COQ3: variants seen among roughly 807,000 people sequenced by gnomAD.
COQ3 encodes ubiquinone biosynthesis O-methyltransferase, mitochondrial.
In COQ3, 29 loss-of-function variants were observed where a neutral mutation model predicts 33.1. The observed-to-expected ratio is 0.88, with a 90% confidence interval of 0.65 to 1.19. COQ3 has a LOEUF of 1.19. COQ3 is among the 50% of genes most tolerant of loss of function. The probability of loss-of-function intolerance (pLI) is 0.00; values close to 1 mark genes in which losing one functional copy is unlikely to be tolerated. For missense variants in COQ3, 437 were observed against 430.7 expected, an observed-to-expected ratio of 1.01 and a Z score of -0.13; for synonymous variants, 173 against 157.8, an observed-to-expected ratio of 1.10 and a Z score of -0.72.
chr6:99,374,076 C>T (rs1774214715), intron 5 of COQ3, among the ~76,000 whole-genome samples: 1 of 137,566 alleles, frequency 7.3e-6, no homozygotes, highest in Non-Finnish European at 1.5e-5. Flanking sequence ...CAACTAAATA[C>T]ATGTACAAGT....
At chr6:99,380,855 A>C (rs4501438) in intron 2 of COQ3, among the ~76,000 whole-genome samples, 122,874 of 151,948 alleles carry the variant, frequency 0.81, 49,953 homozygotes, top group South Asian at 0.92. Context: ...TGCAGTGAGT[A>C]GAGATTGAGC....
chr6:99,376,994 A>ATGTGTGTG (rs140372356), intron 4 of COQ3, among the ~76,000 whole-genome samples: 14,872 of 138,868 alleles, frequency 0.11, 1,004 homozygotes, highest in Non-Finnish European at 0.15. Flanking sequence ...AATATTATGG[A>ATGTGTGTG]TGTGTGTGTG....
At chr6:99,382,351 A>C (rs1231693538) in intron 2 of COQ3, among the ~76,000 whole-genome samples, 1 of 152,202 alleles carries the variant, frequency 6.6e-6, no homozygotes, top group East Asian at 1.9e-4. Context: ...GGTAAAACAT[A>C]GTAAGGATGT....
At chr6:99,386,289 G>T (rs1228229223) in intron 1 of COQ3, among the ~76,000 whole-genome samples, 2 of 151,958 alleles carry the variant, frequency 1.3e-5, no homozygotes. Flanking sequence ...AATTAGCCAG[G>T]CATGGTGGCA....
intron 2 of COQ3, among the ~76,000 whole-genome samples, chr6:99,383,414 CTAAG>C (rs1774527438): frequency 6.6e-6 from 1 of 152,170 alleles, no homozygotes; most frequent in African/African-American, 2.4e-5. Flanking sequence ...AAATTCTTCT[CTAAG>C]TAATAGCCTT....
rs551405790 is a variant in COQ3 at position 99,383,896 on chromosome 6, G to A, written c.107-72C>T. 7.3e-5 allele frequency: 86 copies of A among 1,174,542 alleles called. No homozygotes were observed. In the African/African-American group the frequency reaches 1.3e-3, roughly 18 times the overall value. 72.8% of individuals were successfully genotyped at this position (1,174,542 alleles called of 1,614,324 possible). A position where few individuals can be genotyped will look rare whatever the true frequency, so the allele number is the denominator to read the frequency against. On this transcript the variant is annotated intron_variant, in intron 1 of 6. Coordinates refer to ENST00000254759, the MANE Select transcript of COQ3 (RefSeq NM_017421.4). Reference sequence around the variant, plus strand: ...AATCCCTGATATGCATGTAATTGAAGATTCTATTTTATTTTATTATTTATT... The same window carrying A: ...AATCCCTGATATGCATGTAATTGAAAATTCTATTTTATTTTATTATTTATT...
chr6:99,393,939 A>T, intron 1 of COQ3, 135 bp downstream of exon 1: 1 of 697,392 alleles, frequency 1.4e-6, no homozygotes, highest in South Asian at 1.7e-5. Context: ...AGATGGGGCC[A>T]GGACCAAGCC....
chr6:99,393,994 C>G (rs1774902605), intron 1 of COQ3, 80 bp downstream of exon 1: 1 of 1,228,326 alleles, frequency 8.1e-7, no homozygotes, highest in Non-Finnish European at 1.2e-6. Flanking sequence ...GACAACCCAC[C>G]GCCCCACCCC....
intron 5 of COQ3, among the ~76,000 whole-genome samples, chr6:99,373,253 G>A (rs952606109): frequency 1.3e-5 from 2 of 151,890 alleles, no homozygotes; most frequent in Admixed American, 1.3e-4. Context: ...AGCGAGAACC[G>A]CATCTCTACA....
intron 3 of COQ3, among the ~76,000 whole-genome samples, chr6:99,379,855 CA>C (rs397947579): frequency 3.3e-4 from 46 of 138,164 alleles, no homozygotes; most frequent in Admixed American, 3.7e-4. Flanking sequence ...GACTCCATCT[CA>C]AAAAAAAAAA....
chr6:99,369,924 T>A, intron 6 of COQ3, 104 bp from the exon 7 acceptor site: 1 of 725,584 alleles, frequency 1.4e-6, no homozygotes, highest in Non-Finnish European at 2.3e-6. Context: ...GAGAGCACAC[T>A]AAATGGATAG....
At chr6:99,375,838 T>A in intron 5 of COQ3, 102 bp downstream of exon 5, 2 of 1,259,332 alleles carry the variant, frequency 1.6e-6, no homozygotes, top group Admixed American at 1.9e-5. Flanking sequence ...TACTATACCT[T>A]GCCTGCTGGA....
chr6:99,376,502 G>A (rs1479830269), intron 4 of COQ3, among the ~76,000 whole-genome samples: 1 of 152,162 alleles, frequency 6.6e-6, no homozygotes, highest in African/African-American at 2.4e-5. Context: ...CATATTTAAA[G>A]TGCAATAAAT....
intron 1 of COQ3, among the ~76,000 whole-genome samples, chr6:99,386,897 T>C (rs908142722): frequency 1.8e-4 from 28 of 151,986 alleles, no homozygotes; most frequent in African/African-American, 6.8e-4. Context: ...CTTAAAAAAA[T>C]AGAAGGGTAA....
At chr6:99,380,115 A>C (rs1432695784) in intron 3 of COQ3, 74 bp downstream of exon 3, 36 of 1,442,402 alleles carry the variant, frequency 2.5e-5, no homozygotes, top group Non-Finnish European at 3.3e-5. Flanking sequence ...GTATAAACTA[A>C]GAAAAAAATG....
At chr6:99,389,414 C>T (rs1400845505) in intron 1 of COQ3, among the ~76,000 whole-genome samples, 3 of 152,158 alleles carry the variant, frequency 2.0e-5, no homozygotes, top group Non-Finnish European at 2.9e-5. Context: ...CGTGAGCCAC[C>T]GCACCCAGCC....
intron 2 of COQ3, 47 bp downstream of exon 2, chr6:99,383,651 A>G (rs772753636): frequency 7.0e-7 from 1 of 1,420,104 alleles, no homozygotes; most frequent in Non-Finnish European, 9.6e-7. Context: ...CTAAAAACCT[A>G]TTACATATAA....
chr6:99,373,426 G>A (rs748063346), intron 5 of COQ3, among the ~76,000 whole-genome samples: 9 of 147,290 alleles, frequency 6.1e-5, no homozygotes, highest in Non-Finnish European at 1.3e-4. Context: ...GGAAGATCCT[G>A]TCTCTGAAAA....
At chr6:99,390,413 A>G (rs1345572897) in intron 1 of COQ3, among the ~76,000 whole-genome samples, 2 of 150,894 alleles carry the variant, frequency 1.3e-5, no homozygotes, top group African/African-American at 4.9e-5. Flanking sequence ...AGCTCACTAC[A>G]AGTTCTGCCT....
Sources: gnomAD v4.1 joint callset for allele counts (sites outside exome capture counted in the v4.1 genomes callset) on GRCh38, gnomAD v4.1.1 for gene constraint, MANE v1.5 for transcripts, NCBI Gene and HGNC (gene_info 2026-07-23, HGNC 2026-07-21) for gene names.